The following ERC1 variants were observed in gnomAD, a reference collection of about 807,000 sequenced individuals.
ERC1 encodes ELKS/RAB6-interacting/CAST family member 1.
ERC1 carries 56 observed loss-of-function variants against 132.0 expected under a neutral mutation model. That is an observed-to-expected ratio of 0.42 (90% confidence interval 0.34 to 0.53). ERC1 has a LOEUF of 0.53. Among genes scored for constraint, ERC1 ranks in the 20% least tolerant of loss-of-function variants. The pLI is 0.03. For missense variants in ERC1, 1,202 were observed against 1,349.9 expected, an observed-to-expected ratio of 0.89 and a Z score of 1.72; for synonymous variants, 478 against 476.1, an observed-to-expected ratio of 1.00 and a Z score of -0.05.
intron 15 of ERC1, among the ~76,000 whole-genome samples, chr12:1,327,129 A>C (rs1259519772): frequency 1.3e-5 from 2 of 152,168 alleles, no homozygotes; most frequent in African/African-American, 2.4e-5. Flanking sequence ...TTTTGATTCT[A>C]AATCTCATGT....
chr12:1,169,201 G>A (rs985109414), intron 8 of ERC1, among the ~76,000 whole-genome samples: 1 of 151,478 alleles, frequency 6.6e-6, no homozygotes, highest in Admixed American at 6.6e-5. Flanking sequence ...TGGATGCTGC[G>A]ATGATCGATG....
At chr12:1,212,583 T>C (rs1957979201) in intron 12 of ERC1, among the ~76,000 whole-genome samples, 1 of 152,222 alleles carries the variant, frequency 6.6e-6, no homozygotes, top group Non-Finnish European at 1.5e-5. Context: ...GGGGTCCTTG[T>C]CACACAGCCA....
At chr12:1,062,442 C>T (rs748975969) in intron 2 of ERC1, among the ~76,000 whole-genome samples, 23 of 152,042 alleles carry the variant, frequency 1.5e-4, no homozygotes, top group Admixed American at 3.3e-4. Context: ...GTTTCTATTT[C>T]GGTTTTTTTT....
Position 1,440,603 on chromosome 12 carries a change from TGTGTGTGTGTGTGTGTG to T in ERC1, c.3025-3958_3025-3942del, listed in dbSNP as rs2093116358. ...GCAATCCCCCTGCCTCAGCCTTTTG[TGTGTGTGTGTGTGTGTG>T]TGTGTGTGTGTGTGTGTGTGTGTGT... On this transcript the variant is annotated intron_variant, in intron 17 of 18. Coordinates refer to ENST00000360905, the MANE Select transcript of ERC1 (RefSeq NM_178040.4). Among the ~76,000 whole-genome samples, 16 of 15,066 alleles carry T rather than the reference TGTGTGTGTGTGTGTGTG, an allele frequency of 1.1e-3. 2 individuals are homozygous for T. The highest frequency in any genetic ancestry group is 2.4e-3 in the African/African-American group (16 of 6,580). The allele number at this position is 15,066 out of a possible 152,430, so 9.9% of individuals were successfully genotyped here. A position where few individuals can be genotyped will look rare whatever the true frequency, so the allele number is the denominator to read the frequency against.
chr12:1,190,005 G>A lies in ERC1; in HGVS notation c.2304G>A (p.Val768=), dbSNP rs779365110. ...VDRLLEILKE[V]ENEKNDKDKK... is the part of the protein sequence containing the mutation. The stretch of plus-strand genomic sequence containing the variant: ...GACTCTTAGAAATCTTGAAGGAGGT[G>A]GAAAATGAGAAGAATGACAAAGATA... The change falls in exon 12 of 19, where the codon GTG becomes GTA. Residue 768 remains valine, a synonymous_variant. Transcript: ENST00000360905. The A allele has an allele frequency of 6.2e-7, 1 of 1,613,934 alleles. No individual in the cohort carries two copies. The highest frequency in any genetic ancestry group is 8.5e-7 in the Non-Finnish European group (1 of 1,179,946).
chr12:1,254,790 A>G (rs552180236), intron 13 of ERC1, among the ~76,000 whole-genome samples: 15 of 152,208 alleles, frequency 9.9e-5, no homozygotes, highest in African/African-American at 3.6e-4. Context: ...TGGGATTACA[A>G]GCTTAATTTT....
chr12:1,147,453 C>G (rs1950485097), intron 8 of ERC1, among the ~76,000 whole-genome samples: 1 of 152,074 alleles, frequency 6.6e-6, no homozygotes, highest in Non-Finnish European at 1.5e-5. Flanking sequence ...TTAATAGTTT[C>G]AAAACATTTT....
rs1950978614 is a variant in ERC1, at chr12:1,153,037, CCATTGGATGGTTTT to C, written c.1737+11251_1737+11264del. Reference sequence around the variant, plus strand: ...TTGGAGGCCTCCTGGAGGATGTCTTCCATTGGATGGTTTTGTGAGGACATTCTAGGGAGCTTTCT... The same window carrying C: ...TTGGAGGCCTCCTGGAGGATGTCTTCGTGAGGACATTCTAGGGAGCTTTCT... On this transcript the variant is annotated intron_variant, in intron 8 of 18. Coordinates refer to ENST00000360905, the MANE Select transcript of ERC1 (RefSeq NM_178040.4). 6 of 152,354 alleles carry C rather than the reference CCATTGGATGGTTTT, an allele frequency of 3.9e-5. No homozygotes were observed. In the South Asian group the frequency reaches 1.2e-3, roughly 32 times the overall value. The allele number at this position is 152,354 out of a possible 1,614,324, so 9.4% of individuals were successfully genotyped here.
intron 15 of ERC1, among the ~76,000 whole-genome samples, chr12:1,349,362 G>A (rs955583282): frequency 6.6e-6 from 1 of 152,114 alleles, no homozygotes; most frequent in Admixed American, 6.6e-5. Flanking sequence ...CGAGATCTTG[G>A]CTTAAAAAGA....
At chr12:1,310,693 CA>C (rs2081246337) in intron 15 of ERC1, among the ~76,000 whole-genome samples, 1 of 152,212 alleles carries the variant, frequency 6.6e-6, no homozygotes, top group African/African-American at 2.4e-5. Context: ...TATCCCTTGC[CA>C]AAGATTTTCC....
rs188853223 is a variant in ERC1, at chr12:1,426,493, G to T, written c.3025-18069G>T. On this transcript the variant is annotated intron_variant, in intron 17 of 18. Coordinates refer to ENST00000360905, the MANE Select transcript of ERC1 (RefSeq NM_178040.4). ...TAATATTGGAAGATACCAGATTTCT[G>T]GATTTTTAGGGTTAGTCTCTTTTGT... 3.7e-4 allele frequency among the ~76,000 whole-genome samples: 56 copies of T among 152,232 alleles called. No homozygotes were observed. The East Asian group carries it at 9.8e-3, about 27-fold the overall frequency.
intron 15 of ERC1, among the ~76,000 whole-genome samples, chr12:1,324,641 T>C (rs2082330573): frequency 3.9e-5 from 6 of 152,210 alleles, no homozygotes; most frequent in Admixed American, 3.9e-4. Context: ...TATTATCCAA[T>C]ACATATGGTA....
chr12:1,116,231 G>A (rs1946422152), intron 7 of ERC1, 198 bp downstream of exon 7: 3 of 446,728 alleles, frequency 6.7e-6, no homozygotes, highest in East Asian at 7.0e-5. Flanking sequence ...AGTTAAAACA[G>A]GTGCAGTTTA....
chr12:1,151,393 C>T (rs1186885407), intron 8 of ERC1, among the ~76,000 whole-genome samples: 1 of 152,146 alleles, frequency 6.6e-6, no homozygotes, highest in Admixed American at 6.5e-5. Flanking sequence ...TCCAAGTCAC[C>T]ATAGACCATG....
intron 8 of ERC1, among the ~76,000 whole-genome samples, chr12:1,154,309 A>ATGTG (rs1285062316): frequency 6.7e-6 from 1 of 148,452 alleles, no homozygotes; most frequent in African/African-American, 2.5e-5. Context: ...GTGCATATAT[A>ATGTG]TGTGTGTGTG....
At position 1,154,354 on chromosome 12, in the gene ERC1, TACACACACAC is replaced by T. The variant is rs35510985; in HGVS notation, c.1737+12586_1737+12595del. ...ATACACACATACCCATGTGTGTTTA[TACACACACAC>T]ACACACACACACACACACTTTCTGT... On this transcript the variant is annotated intron_variant, in intron 8 of 18. Transcript: ENST00000360905. Among the ~76,000 whole-genome samples the T allele has an allele frequency of 9.3e-3, 1,362 of 145,830 alleles. 17 individuals are homozygous for T. The highest frequency in any genetic ancestry group is 0.031 in the African/African-American group (1,227 of 39,194).
At chr12:1,004,853 A>C (rs1320679568) in intron 1 of ERC1, among the ~76,000 whole-genome samples, 2 of 116,424 alleles carry the variant, frequency 1.7e-5, no homozygotes, top group East Asian at 2.5e-4. Flanking sequence ...TGTGTGTATA[A>C]ATTTTTTTTT....
chr12:1,196,246 G>A (rs1956215501), intron 12 of ERC1, among the ~76,000 whole-genome samples: 1 of 152,028 alleles, frequency 6.6e-6, no homozygotes, highest in Non-Finnish European at 1.5e-5. Context: ...CTTTGTTTCT[G>A]CCTCCACCTC....
intron 18 of ERC1, among the ~76,000 whole-genome samples, chr12:1,464,343 G>GCTC (rs968701786): frequency 4.0e-5 from 6 of 151,884 alleles, no homozygotes; most frequent in African/African-American, 1.2e-4. Flanking sequence ...GGTGTTCGTG[G>GCTC]CTCGCCTATC....
Sources: allele counts gnomAD v4.1 joint callset (sites outside exome capture counted in the v4.1 genomes callset), GRCh38; gene constraint gnomAD v4.1.1; transcripts MANE v1.5; gene names NCBI Gene and HGNC (gene_info 2026-07-23, HGNC 2026-07-21).